AKT3: variants seen among roughly 807,000 people sequenced by gnomAD.
The protein encoded by AKT3 is AKT serine/threonine kinase 3.
In AKT3, 15 loss-of-function variants were observed where a neutral mutation model predicts 65.3. The observed-to-expected ratio is 0.23, with a 90% confidence interval of 0.15 to 0.35. AKT3 has a LOEUF of 0.35. Ranked by LOEUF, AKT3 falls within the 10% of genes least tolerant of loss-of-function variation. The pLI is 1.00. For missense variants in AKT3, 243 were observed against 576.5 expected (o/e 0.42, Z 5.92); for synonymous variants, 206 against 183.8 (o/e 1.12, Z -0.98).
Position 243,538,404 on chromosome 1 carries a change from A to C in AKT3, c.1251+7106T>G, listed in dbSNP as rs190709513. On this transcript the variant is annotated intron_variant, in intron 12 of 13. Coordinates refer to ENST00000673466, the MANE Select transcript of AKT3 (RefSeq NM_005465.7). Reference sequence around the variant, plus strand: ...AAAAAAAGGAACAAAGAAAAAAAAAACAAACAGCAAGATTGTATATTTAAA... The same window carrying C: ...AAAAAAAGGAACAAAGAAAAAAAAACCAAACAGCAAGATTGTATATTTAAA... Among the ~76,000 whole-genome samples the C allele has an allele frequency of 2.1e-3, 316 of 152,154 alleles. 7 individuals are homozygous for C. The highest frequency in any genetic ancestry group is 6.9e-3 in the East Asian group (36 of 5,182).
At chr1:243,603,038 C>G (rs547994092) in intron 8 of AKT3, among the ~76,000 whole-genome samples, 1 of 152,278 alleles carries the variant, frequency 6.6e-6, no homozygotes, top group South Asian at 2.1e-4. Flanking sequence ...TCAATTTTGT[C>G]TACTTTATTC....
chr1:243,795,832 C>A (rs997255410), intron 2 of AKT3, among the ~76,000 whole-genome samples: 7 of 152,090 alleles, frequency 4.6e-5, no homozygotes, highest in African/African-American at 1.7e-4. Context: ...CCAGACAGCT[C>A]TTCATTAATT....
intron 4 of AKT3, among the ~76,000 whole-genome samples, chr1:243,657,432 T>C (rs1358911492): frequency 6.6e-6 from 1 of 152,118 alleles, no homozygotes; most frequent in Non-Finnish European, 1.5e-5. Context: ...AGGAATAAAC[T>C]TAACCAAGAA....
chr1:243,816,286 C>A (rs1034325872), intron 2 of AKT3, among the ~76,000 whole-genome samples: 2 of 152,144 alleles, frequency 1.3e-5, no homozygotes, highest in South Asian at 2.1e-4. Flanking sequence ...TTATCTTCCA[C>A]ATTTTAAATC....
intron 2 of AKT3, among the ~76,000 whole-genome samples, chr1:243,838,130 A>G (rs1322523233): frequency 6.6e-6 from 1 of 152,204 alleles, no homozygotes; most frequent in Non-Finnish European, 1.5e-5. Context: ...AATGTATATG[A>G]AAGCTTATTT....
Position 243,537,612 on chromosome 1 carries a change from A to C in AKT3, c.1251+7898T>G, listed in dbSNP as rs985095974. Among the ~76,000 whole-genome samples, 11 of 152,266 alleles carry C rather than the reference A, an allele frequency of 7.2e-5. No homozygotes were observed. In the East Asian group the frequency reaches 1.9e-3, roughly 27 times the overall value. On this transcript the variant is annotated intron_variant, in intron 12 of 13. Coordinates refer to ENST00000673466, the MANE Select transcript of AKT3 (RefSeq NM_005465.7). ...GTCTCTTAATGAGATTCCCTTTTCC[A>C]GGCTCTTCTCCATAAGAGTCTATTC...
Position 243,795,475 on chromosome 1 carries a change from G to GTTTTT in AKT3, c.46+47649_46+47650insAAAAA, listed in dbSNP as rs369512939. Among the ~76,000 whole-genome samples the GTTTTT allele has an allele frequency of 3.4e-5, 3 of 88,014 alleles. 1 individual carries two copies. Among genetic ancestry groups the GTTTTT allele is most frequent in the Non-Finnish European group, 3.8e-5 (2 of 52,418 alleles). The allele number at this position is 88,014 out of a possible 152,430, so 57.7% of individuals were successfully genotyped here. On this transcript the variant is annotated intron_variant, in intron 2 of 13. Coordinates refer to ENST00000673466, the MANE Select transcript of AKT3 (RefSeq NM_005465.7). ...TTTTTTTTTTTTGTTTTTTTTTTTTGGTTTTTTTTTTTTTGAGACGGAGTC... is the reference window on the plus strand; with the variant it reads ...TTTTTTTTTTTTGTTTTTTTTTTTTGTTTTTGTTTTTTTTTTTTTGAGACGGAGTC...
At chr1:243,739,820 A>G (rs930731262) in intron 2 of AKT3, among the ~76,000 whole-genome samples, 5 of 152,224 alleles carry the variant, frequency 3.3e-5, no homozygotes, top group Admixed American at 1.3e-4. Flanking sequence ...CAAATCCCGG[A>G]ACATGCTGAA....
intron 4 of AKT3, among the ~76,000 whole-genome samples, chr1:243,658,052 T>A (rs528946689): frequency 1.3e-5 from 2 of 152,158 alleles, no homozygotes; most frequent in Non-Finnish European, 2.9e-5. Flanking sequence ...AAAAGCTTCA[T>A]AATTTGGTCT....
rs571122827 is a variant in AKT3 at position 243,547,514 on chromosome 1, T to C, written c.1164-1917A>G. ...ATACGTCATAGAAAACAAATACAGA[T>C]GCTCCTAAACTTAATGATGGGTTAT... is the stretch of plus-strand genomic sequence containing the variant. On this transcript the variant is annotated intron_variant, in intron 11 of 13. Transcript: ENST00000673466. Among the ~76,000 whole-genome samples the C allele has an allele frequency of 2.0e-5, 3 of 152,294 alleles. No homozygotes were observed. The South Asian group carries it at 6.2e-4, about 32-fold the overall frequency.
chr1:243,545,622 G>A lies in AKT3; in HGVS notation c.1164-25C>T, dbSNP rs1463622353. The A allele has an allele frequency of 3.3e-6, 5 of 1,518,090 alleles. No individual in the cohort carries two copies. In the Admixed American group the frequency reaches 8.5e-5, roughly 26 times the overall value. 94.0% of individuals were successfully genotyped at this position (1,518,090 alleles called of 1,614,324 possible). ...GCTATGAGAACAGAAATAAAATTAA[G>A]TAAGTATAAAACATTTACATAAGCT... On this transcript the variant is annotated intron_variant, in intron 11 of 13. Transcript: ENST00000673466.
At chr1:243,540,447 A>G (rs1476644820) in intron 12 of AKT3, among the ~76,000 whole-genome samples, 1 of 152,206 alleles carries the variant, frequency 6.6e-6, no homozygotes, top group African/African-American at 2.4e-5. Context: ...TCAATCTGAT[A>G]AAGGAGGCAT....
intron 6 of AKT3, among the ~76,000 whole-genome samples, chr1:243,618,520 T>C (rs1302064368): frequency 2.0e-5 from 3 of 152,110 alleles, no homozygotes; most frequent in Non-Finnish European, 4.4e-5. Context: ...TAAAACAATG[T>C]GATGCCTTTT....
chr1:243,729,184 T>G (rs1341037808), intron 2 of AKT3, among the ~76,000 whole-genome samples: 1 of 152,102 alleles, frequency 6.6e-6, no homozygotes. Flanking sequence ...GGACAAACCA[T>G]GCAATAAAAT....
intron 3 of AKT3, among the ~76,000 whole-genome samples, chr1:243,686,415 G>C (rs1368332160): frequency 2.0e-5 from 3 of 151,436 alleles, no homozygotes; most frequent in Non-Finnish European, 4.4e-5. Flanking sequence ...CCAAACAATA[G>C]TATTTGGCCT....
chr1:243,723,013 A>G (rs1041361257), intron 2 of AKT3, among the ~76,000 whole-genome samples: 1 of 152,220 alleles, frequency 6.6e-6, no homozygotes, highest in East Asian at 1.9e-4. Flanking sequence ...TAAGGTCTGA[A>G]AAACAATTTA....
chr1:243,556,406 A>C (rs1225815973), intron 10 of AKT3, among the ~76,000 whole-genome samples: 3 of 152,118 alleles, frequency 2.0e-5, no homozygotes, highest in East Asian at 1.9e-4. Context: ...CAAAAAAAAA[A>C]CTATTCATTA....
intron 6 of AKT3, among the ~76,000 whole-genome samples, chr1:243,630,664 T>A (rs527865512): frequency 6.6e-6 from 1 of 152,052 alleles, no homozygotes; most frequent in Non-Finnish European, 1.5e-5. Context: ...CATTCTTGCT[T>A]TTTTTTAAAA....
At chr1:243,488,774 G>A (rs915228851) in intron 13 of AKT3, among the ~76,000 whole-genome samples, 1 of 152,094 alleles carries the variant, frequency 6.6e-6, no homozygotes, top group Non-Finnish European at 1.5e-5. Context: ...TTATCTGCGT[G>A]TTTTCTAATT....
Sources: allele counts gnomAD v4.1 joint callset (sites outside exome capture counted in the v4.1 genomes callset), GRCh38; gene constraint gnomAD v4.1.1; transcripts MANE v1.5; gene names NCBI Gene and HGNC (gene_info 2026-07-23, HGNC 2026-07-21).